Variants in CACNA1H observed in about 807,000 individuals in gnomAD.
CACNA1H encodes the protein calcium voltage-gated channel subunit alpha1 H, also known as voltage-dependent T-type calcium channel subunit alpha-1H.
CACNA1H carries 149 observed loss-of-function variants against 192.5 expected under a neutral mutation model. The observed-to-expected ratio is 0.77, with a 90% confidence interval of 0.68 to 0.89. The LOEUF is 0.89. Among genes scored for constraint, CACNA1H ranks in the 40% least tolerant of loss-of-function variants. The pLI is 0.00. For synonymous variants in CACNA1H, 2,202 were observed against 1,475.2 expected (o/e 1.49, Z -11.29); for missense variants, 4,257 against 3,423.5 (o/e 1.24, Z -6.08).
intron 33 of CACNA1H, 24 bp from the exon 34 acceptor site, chr16:1,218,946 A>G (rs1261875940): frequency 5.2e-6 from 8 of 1,548,574 alleles, no homozygotes; most frequent in Non-Finnish European, 7.0e-6. Context: ...CAGAGCTGCC[A>G]GCTTAGATTC....
chr16:1,168,928 A>C (rs1235565674), intron 2 of CACNA1H, among the ~76,000 whole-genome samples: 1 of 151,938 alleles, frequency 6.6e-6, no homozygotes, highest in Non-Finnish European at 1.5e-5. Context: ...AGCCTCTAGG[A>C]GGTGGGCTGG....
chr16:1,206,073 C>T, intron 11 of CACNA1H, 31 bp from the exon 12 acceptor site: 1 of 1,529,718 alleles, frequency 6.5e-7, no homozygotes, highest in South Asian at 1.2e-5. Flanking sequence ...GGATCGTGGC[C>T]CCGCTGACCC....
intron 26 of CACNA1H, 40 bp from the exon 27 acceptor site, chr16:1,213,740 C>G (rs761450369): frequency 5.5e-6 from 8 of 1,466,248 alleles, no homozygotes; most frequent in Non-Finnish European, 7.2e-6. Flanking sequence ...GAGCGCCGGG[C>G]GGCCCTCCTG....
chr16:1,156,023 G>C (rs867753227), intron 2 of CACNA1H, among the ~76,000 whole-genome samples: 47 of 152,284 alleles, frequency 3.1e-4, no homozygotes, highest in African/African-American at 1.0e-3. Context: ...GAAGAACAGA[G>C]CATGCCCCAT....
At chr16:1,160,484 C>T (rs979187992) in intron 2 of CACNA1H, among the ~76,000 whole-genome samples, 2 of 152,158 alleles carry the variant, frequency 1.3e-5, no homozygotes, top group African/African-American at 4.8e-5. Context: ...AGCCCCTGCC[C>T]GGCTCAGGAG....
chr16:1,196,167 G>A (rs1037226439), intron 5 of CACNA1H, 144 bp downstream of exon 5: 20 of 663,558 alleles, frequency 3.0e-5, no homozygotes, highest in Non-Finnish European at 5.0e-5. Context: ...GACCCCAGCA[G>A]TGGGGTGGCC....
chr16:1,186,416 C>T (rs549394628), intron 2 of CACNA1H, among the ~76,000 whole-genome samples: 100 of 152,168 alleles, frequency 6.6e-4, no homozygotes, highest in Non-Finnish European at 1.3e-3. Context: ...GGCCTGGATT[C>T]GCCGTGCAGA....
intron 2 of CACNA1H, among the ~76,000 whole-genome samples, chr16:1,158,931 C>T (rs907878936): frequency 2.0e-5 from 3 of 152,174 alleles, no homozygotes; most frequent in Admixed American, 6.5e-5. Context: ...CCGCTCAGCC[C>T]GCACCGCTGG....
intron 17 of CACNA1H, 34 bp downstream of exon 17, chr16:1,209,446 G>A (rs755511946): frequency 8.8e-6 from 14 of 1,587,654 alleles, no homozygotes; most frequent in South Asian, 3.3e-5. Flanking sequence ...CCGCCGACTC[G>A]CCTTCGTCTG....
At chr16:1,158,558 G>T (rs1402762459) in intron 2 of CACNA1H, among the ~76,000 whole-genome samples, 2 of 152,342 alleles carry the variant, frequency 1.3e-5, no homozygotes, top group East Asian at 3.9e-4. Context: ...CAGGAAGTGG[G>T]CGTGACGCCA....
chr16:1,214,040 G>T (rs927559991), intron 27 of CACNA1H, 109 bp downstream of exon 27: 15 of 912,614 alleles, frequency 1.6e-5, no homozygotes, highest in Middle Eastern at 2.6e-4. Context: ...CCTCGCTGGG[G>T]TTTGCGTGGG....
chr16:1,220,726 G>A lies in CACNA1H; in HGVS notation c.6794G>A (p.Ser2265Asn). The A allele has an allele frequency of 8.7e-6, 14 of 1,612,374 alleles. No individual in the cohort carries two copies. The highest frequency in any genetic ancestry group is 1.2e-5 in the Non-Finnish European group (14 of 1,179,696). ...CGGGCTGAGCACCTGACCGTCCCCA[G>A]CTTTGCCTTTGAGCCGCTGGACCTC... ...SCRAEHLTVP[S>N]FAFEPLDLGV... The change falls in exon 35 of 35, where the codon AGC becomes AAC. Residue 2265 changes from serine (S) to asparagine (N), a missense_variant. Coordinates refer to ENST00000348261, the MANE Select transcript of CACNA1H (RefSeq NM_021098.3).
At position 1,220,500 on chromosome 16, in the gene CACNA1H, C is replaced by A. The variant is rs755095100; in HGVS notation, c.6568C>A (p.Pro2190Thr). ...GCGCAGAAAGAAGAAGATGAGCCCC[C>A]CCTGCATCTCGGTGGAACCCCCTGC... ...GARRKKKMSP[P>T]CISVEPPAED... The change falls in exon 35 of 35, where the codon CCC becomes ACC. Residue 2190 changes from proline (P) to threonine (T), a missense_variant. Transcript: ENST00000348261. 6.5e-7 allele frequency: 1 copy of A among 1,542,398 alleles called. No individual in the cohort carries two copies. The highest frequency in any genetic ancestry group is 8.7e-7 in the Non-Finnish European group (1 of 1,153,080).
chr16:1,195,092 C>A lies in CACNA1H; in HGVS notation c.411+9C>A, dbSNP rs756266739. 1 of 1,179,896 alleles carries A rather than the reference C, an allele frequency of 8.5e-7. No individual in the cohort carries two copies. The highest frequency in any genetic ancestry group is 2.3e-5 in the Admixed American group (1 of 43,204). The allele number at this position is 1,179,896 out of a possible 1,614,324, so 73.1% of individuals were successfully genotyped here. ...GCTGCAACATCCTGGAGGTGAGGGG[C>A]GTGGGTCGGGGTGGGGAAGGAGCGT... On this transcript the variant is annotated intron_variant, in intron 3 of 34. Transcript: ENST00000348261.
chr16:1,176,248 G>A (rs1040727448), intron 2 of CACNA1H, among the ~76,000 whole-genome samples: 3 of 152,260 alleles, frequency 2.0e-5, no homozygotes, highest in Admixed American at 1.3e-4. Context: ...TTCTGAGCTT[G>A]GAGCTCTAAT....
intron 2 of CACNA1H, among the ~76,000 whole-genome samples, chr16:1,160,787 C>T (rs1475102488): frequency 3.3e-5 from 5 of 152,236 alleles, no homozygotes; most frequent in African/African-American, 9.6e-5. Flanking sequence ...TTGCCGGGAG[C>T]GGGAGCTGTG....
At chr16:1,166,503 A>G (rs1377133126) in intron 2 of CACNA1H, among the ~76,000 whole-genome samples, 2 of 152,098 alleles carry the variant, frequency 1.3e-5, no homozygotes, top group Non-Finnish European at 2.9e-5. Flanking sequence ...CTAACTCGCC[A>G]ATGAAGGGTC....
At position 1,201,649 on chromosome 16, in the gene CACNA1H, C is replaced by G; in HGVS notation, c.1213-14C>G. On this transcript the variant is annotated splice_polypyrimidine_tract_variant and intron_variant, in intron 8 of 34. Transcript: ENST00000348261. ...GCTCACTCACTGCCACTTACCCGCC[C>G]GCCCCCGTCACAGGTGGGCTCCTTC... 1.3e-6 allele frequency: 2 copies of G among 1,566,350 alleles called. No homozygotes were observed. Among genetic ancestry groups the G allele is most frequent in the East Asian group, 4.6e-5 (2 of 43,288 alleles).
At chr16:1,184,986 A>C (rs965193038) in intron 2 of CACNA1H, among the ~76,000 whole-genome samples, 1 of 152,086 alleles carries the variant, frequency 6.6e-6, no homozygotes, top group Non-Finnish European at 1.5e-5. Context: ...ACCTCTGCCT[A>C]GTTCTGGAAT....
Sources: gnomAD v4.1 joint callset for allele counts (sites outside exome capture counted in the v4.1 genomes callset) on GRCh38, gnomAD v4.1.1 for gene constraint, MANE v1.5 for transcripts, NCBI Gene and HGNC (gene_info 2026-07-23, HGNC 2026-07-21) for gene names.